The following AUH variants were observed in gnomAD, a reference collection of about 807,000 sequenced individuals.
AUH encodes the protein methylglutaconyl-CoA hydratase, mitochondrial.
AUH carries 29 observed loss-of-function variants against 42.3 expected under a neutral mutation model. The ratio of observed to expected loss-of-function variants is 0.69; its 90% confidence interval spans 0.51 to 0.93. The LOEUF (loss-of-function observed/expected upper bound fraction) is 0.93. AUH is among the 40% of genes least tolerant of loss of function. The pLI, the probability that AUH is intolerant of heterozygous loss-of-function variation, is 0.00. For missense variants in AUH, 452 were observed against 438.1 expected, an observed-to-expected ratio of 1.03 and a Z score of -0.28; for synonymous variants, 174 against 166.4, an observed-to-expected ratio of 1.05 and a Z score of -0.35.
chr9:91,223,615 T>C (rs904590939), intron 6 of AUH, among the ~76,000 whole-genome samples: 2 of 152,188 alleles, frequency 1.3e-5, no homozygotes, highest in Non-Finnish European at 2.9e-5. Flanking sequence ...CATACAGTAA[T>C]TCCAGTTTAA....
chr9:91,243,390 T>C (rs972397192), intron 6 of AUH, among the ~76,000 whole-genome samples: 37 of 152,200 alleles, frequency 2.4e-4, no homozygotes, highest in Non-Finnish European at 1.0e-4. Context: ...GCAGTGACAA[T>C]GGCAGAAAGC....
intron 6 of AUH, among the ~76,000 whole-genome samples, chr9:91,265,205 T>A (rs1202916108): frequency 6.6e-6 from 1 of 152,136 alleles, no homozygotes; most frequent in Admixed American, 6.5e-5. Context: ...CTCTCCTCTC[T>A]TTCCTTTTCT....
At chr9:91,289,344 C>CT (rs1564068237) in intron 6 of AUH, among the ~76,000 whole-genome samples, 1 of 152,090 alleles carries the variant, frequency 6.6e-6, no homozygotes, top group African/African-American at 2.4e-5. Context: ...TATTTGAATT[C>CT]TCCCCACTTA....
chr9:91,341,019 AC>A (rs1441805239), intron 3 of AUH, among the ~76,000 whole-genome samples: 2 of 152,234 alleles, frequency 1.3e-5, no homozygotes, highest in African/African-American at 4.8e-5. Context: ...GAGAAGGCAA[AC>A]TACTACTGAG....
chr9:91,324,641 T>C (rs562091060), intron 4 of AUH, among the ~76,000 whole-genome samples: 9 of 151,214 alleles, frequency 6.0e-5, no homozygotes, highest in East Asian at 1.9e-4. Context: ...AGTTTTTTTT[T>C]TTTTAACCTA....
intron 3 of AUH, among the ~76,000 whole-genome samples, chr9:91,353,253 A>AT (rs761802787): frequency 2.0e-5 from 3 of 151,806 alleles, no homozygotes; most frequent in Non-Finnish European, 4.4e-5. Flanking sequence ...CGCCCAGAAA[A>AT]TTTTTTGTAT....
At chr9:91,328,981 G>A (rs1830141252) in intron 3 of AUH, among the ~76,000 whole-genome samples, 1 of 151,990 alleles carries the variant, frequency 6.6e-6, no homozygotes, top group Non-Finnish European at 1.5e-5. Flanking sequence ...CCTAAGAATT[G>A]GTCTTTTCTG....
At chr9:91,337,630 C>G (rs1045582340) in intron 3 of AUH, among the ~76,000 whole-genome samples, 1 of 152,152 alleles carries the variant, frequency 6.6e-6, no homozygotes, top group Admixed American at 6.5e-5. Context: ...AGCTGGCAAA[C>G]AGAGTAAACT....
chr9:91,334,243 T>G (rs1005604271), intron 3 of AUH, among the ~76,000 whole-genome samples: 1 of 152,242 alleles, frequency 6.6e-6, no homozygotes, highest in African/African-American at 2.4e-5. Context: ...TCTACTTGTC[T>G]GGGCCACAGG....
At chr9:91,287,845 T>G (rs1826538729) in intron 6 of AUH, among the ~76,000 whole-genome samples, 1 of 152,076 alleles carries the variant, frequency 6.6e-6, no homozygotes. Context: ...TAGTGTTGAT[T>G]ATGTAAGAGA....
At chr9:91,349,224 TCATAA>T (rs1831763290) in intron 3 of AUH, among the ~76,000 whole-genome samples, 1 of 152,196 alleles carries the variant, frequency 6.6e-6, no homozygotes, top group Non-Finnish European at 1.5e-5. Context: ...CACTCTTTAG[TCATAA>T]CATAATTTAC....
intron 3 of AUH, among the ~76,000 whole-genome samples, chr9:91,353,224 T>C (rs1448452040): frequency 1.3e-5 from 2 of 151,994 alleles, no homozygotes; most frequent in Non-Finnish European, 2.9e-5. Context: ...GTAGCTGGGA[T>C]TACAGGCACC....
intron 6 of AUH, among the ~76,000 whole-genome samples, chr9:91,229,552 A>G (rs2131278845): frequency 6.6e-6 from 1 of 150,726 alleles, no homozygotes; most frequent in East Asian, 2.0e-4. Context: ...TAGTCCATTT[A>G]CATTTAAAGT....
chr9:91,221,902 CA>C (rs1409862986), intron 6 of AUH, among the ~76,000 whole-genome samples: 1 of 152,112 alleles, frequency 6.6e-6, no homozygotes, highest in Non-Finnish European at 1.5e-5. Flanking sequence ...AAGCAGGTAA[CA>C]CAGGTCTAGC....
At chr9:91,324,100 A>G (rs1000343563) in intron 4 of AUH, among the ~76,000 whole-genome samples, 2 of 152,230 alleles carry the variant, frequency 1.3e-5, no homozygotes, top group African/African-American at 4.8e-5. Context: ...TTAGAGGACA[A>G]TATCTATAAC....
At chr9:91,215,467 T>C (rs1221621530) in intron 9 of AUH, among the ~76,000 whole-genome samples, 9 of 152,202 alleles carry the variant, frequency 5.9e-5, no homozygotes, top group Non-Finnish European at 2.9e-5. Context: ...TCTTATACTA[T>C]ATTGTTCAGG....
intron 3 of AUH, among the ~76,000 whole-genome samples, chr9:91,331,625 A>C (rs1344688582): frequency 6.6e-6 from 1 of 152,252 alleles, no homozygotes; most frequent in Non-Finnish European, 1.5e-5. Flanking sequence ...GAATTGATAC[A>C]TTATTTAACA....
Position 91,325,391 on chromosome 9 carries a change from C to A in AUH, c.432G>T (p.Lys144Asn). Residue 144 changes from lysine to asparagine, a missense_variant, in exon 4 of 10, where the codon AAG becomes AAT. Transcript: ENST00000375731. Reference sequence around the variant, plus strand: ...CACTGGAACTCATTTTGGCTCTTTCCTTAAGGTCAGCACCTGCAAAGTATT... The same window carrying A: ...CACTGGAACTCATTTTGGCTCTTTCATTAAGGTCAGCACCTGCAAAGTATT... ...PGIFCAGADL[K>N]ERAKMSSSEV... is the part of the protein sequence containing the mutation. The A allele has an allele frequency of 6.2e-7, 1 of 1,613,744 alleles. No homozygotes were observed.
At chr9:91,296,127 A>G in intron 5 of AUH, 50 bp from the exon 6 acceptor site, 1 of 1,563,036 alleles carries the variant, frequency 6.4e-7, no homozygotes, top group Non-Finnish European at 8.8e-7. Context: ...TCACATTCAA[A>G]TATGACAACT....
Sources: allele counts gnomAD v4.1 joint callset (sites outside exome capture counted in the v4.1 genomes callset), GRCh38; gene constraint gnomAD v4.1.1; transcripts MANE v1.5; gene names NCBI Gene and HGNC (gene_info 2026-07-23, HGNC 2026-07-21).